The following WASF2 variants were observed in gnomAD, a reference collection of about 807,000 sequenced individuals.
The protein encoded by WASF2 is WASP family member 2.
WASF2 carries 14 observed loss-of-function variants against 45.0 expected under a neutral mutation model. That is an observed-to-expected ratio of 0.31 (90% CI 0.21 to 0.49). The LOEUF (loss-of-function observed/expected upper bound fraction) is 0.49. Among genes scored for constraint, WASF2 ranks in the 20% least tolerant of loss-of-function variants. The probability of loss-of-function intolerance (pLI) is 0.99; values close to 1 mark genes in which losing one functional copy is unlikely to be tolerated. For synonymous variants in WASF2, 200 were observed against 236.3 expected (o/e 0.85, Z 1.41); for missense variants, 439 against 636.1 (o/e 0.69, Z 3.33).
chr1:27,442,766 G>A (rs1366630942), intron 1 of WASF2, among the ~76,000 whole-genome samples: 1 of 151,744 alleles, frequency 6.6e-6, no homozygotes, highest in East Asian at 1.9e-4. Flanking sequence ...ACTTTAGGGG[G>A]CCGAGGTGGG....
At chr1:27,481,227 C>T (rs1438217323) in intron 1 of WASF2, among the ~76,000 whole-genome samples, 2 of 151,460 alleles carry the variant, frequency 1.3e-5, no homozygotes, top group African/African-American at 2.4e-5. Context: ...TCACTTGAAC[C>T]TGGGAGGTGG....
intron 1 of WASF2, among the ~76,000 whole-genome samples, chr1:27,488,917 T>C (rs1369139298): frequency 6.6e-6 from 1 of 152,144 alleles, no homozygotes; most frequent in Non-Finnish European, 1.5e-5. Flanking sequence ...ATGTGTAAAT[T>C]CTCAAGAGTC....
At chr1:27,421,992 A>G (rs1030206885) in intron 2 of WASF2, among the ~76,000 whole-genome samples, 1 of 151,872 alleles carries the variant, frequency 6.6e-6, no homozygotes, top group African/African-American at 2.4e-5. Context: ...AATAAAAGAA[A>G]AGAAAAAAGA....
chr1:27,470,564 C>T (rs927886333), intron 1 of WASF2, among the ~76,000 whole-genome samples: 1 of 150,114 alleles, frequency 6.7e-6, no homozygotes, highest in East Asian at 2.1e-4. Flanking sequence ...GTTGGCAGAC[C>T]TATACCAGCC....
intron 1 of WASF2, among the ~76,000 whole-genome samples, chr1:27,447,993 T>A (rs1032156621): frequency 6.6e-6 from 1 of 152,210 alleles, no homozygotes; most frequent in Non-Finnish European, 1.5e-5. Context: ...TCAAGGGAGA[T>A]CAGAATACTA....
In WASF2 at chr1:27,428,949, C is replaced by A; in HGVS notation, c.-43-16G>T. 1 of 1,598,594 alleles carries A rather than the reference C, an allele frequency of 6.3e-7. No homozygotes were observed. Among genetic ancestry groups the A allele is most frequent in the Non-Finnish European group, 8.5e-7 (1 of 1,171,296 alleles). On this transcript the variant is annotated splice_polypyrimidine_tract_variant and intron_variant, in intron 1 of 8. Transcript: ENST00000618852. ...GAAAAACAACCTAAAAAAGAAATAACAGGAAAGTATTACTCAACCACAAAT... is the reference window on the plus strand; with the variant it reads ...GAAAAACAACCTAAAAAAGAAATAAAAGGAAAGTATTACTCAACCACAAAT...
intron 1 of WASF2, among the ~76,000 whole-genome samples, chr1:27,451,791 TCACCCCTTA>T (rs2017387075): frequency 6.6e-6 from 1 of 152,198 alleles, no homozygotes. Context: ...ATTACAGTAG[TCACCCCTTA>T]TCCTCAGAAC....
chr1:27,470,818 C>T (rs1209306740), intron 1 of WASF2, among the ~76,000 whole-genome samples: 1 of 152,108 alleles, frequency 6.6e-6, no homozygotes, highest in Non-Finnish European at 1.5e-5. Flanking sequence ...TCATTAAAAC[C>T]TACATAAAAG....
rs1028731758 is a variant in WASF2 at position 27,418,976 on chromosome 1, C to T, written c.243G>A (p.Gln81=). The change falls in exon 3 of 9, where the codon CAG becomes CAA. Residue 81 remains glutamine, a synonymous_variant. Coordinates refer to ENST00000618852, the MANE Select transcript of WASF2 (RefSeq NM_006990.5). ...TACCTTCTTCTTCCTTGGGATCCAG[C>T]TGAGTGACTTTAACCTGTAGTCGGT... ...RVDRLQVKVT[Q]LDPKEEEVSL... is the part of the protein sequence containing the mutation. 6.2e-7 allele frequency: 1 copy of T among 1,613,902 alleles called. No homozygotes were observed. The highest frequency in any genetic ancestry group is 8.5e-7 in the Non-Finnish European group (1 of 1,179,922).
intron 1 of WASF2, among the ~76,000 whole-genome samples, chr1:27,432,336 A>C (rs1230960206): frequency 6.6e-6 from 1 of 151,934 alleles, no homozygotes; most frequent in African/African-American, 2.4e-5. Context: ...TAAAAAACCC[A>C]CTACAGGGCT....
intron 4 of WASF2, 114 bp downstream of exon 4, chr1:27,418,155 T>C (rs2016850716): frequency 1.6e-6 from 2 of 1,215,594 alleles, no homozygotes; most frequent in Non-Finnish European, 2.2e-6. Flanking sequence ...AACTTTGGGG[T>C]AGGCAGTAAG....
chr1:27,467,868 C>T (rs1425142507), intron 1 of WASF2, among the ~76,000 whole-genome samples: 2 of 151,818 alleles, frequency 1.3e-5, no homozygotes, highest in Non-Finnish European at 2.9e-5. Context: ...ATCGAGATCA[C>T]GCCACTGCAC....
intron 1 of WASF2, among the ~76,000 whole-genome samples, chr1:27,445,851 T>TC (rs2017304082): frequency 1.3e-5 from 2 of 152,122 alleles, no homozygotes; most frequent in South Asian, 4.1e-4. Context: ...TTTTTTTTTT[T>TC]TTTTAAAGCA....
intron 1 of WASF2, among the ~76,000 whole-genome samples, chr1:27,454,654 TG>T (rs2017443471): frequency 1.3e-5 from 2 of 152,216 alleles, no homozygotes; most frequent in Admixed American, 6.5e-5. Flanking sequence ...AAAATTTTTT[TG>T]TAGAGACAGT....
chr1:27,474,989 T>C (rs924882937), intron 1 of WASF2, among the ~76,000 whole-genome samples: 2 of 150,046 alleles, frequency 1.3e-5, no homozygotes, highest in African/African-American at 4.9e-5. Context: ...CACACAAAAC[T>C]CCTGGCCAGA....
At chr1:27,436,133 A>G (rs957553892) in intron 1 of WASF2, among the ~76,000 whole-genome samples, 18 of 152,246 alleles carry the variant, frequency 1.2e-4, no homozygotes, top group Non-Finnish European at 4.4e-5. Context: ...TTCCTCTTTC[A>G]AGAGATACAT....
intron 4 of WASF2, 52 bp from the exon 5 acceptor site, chr1:27,416,154 C>A: frequency 1.3e-6 from 2 of 1,496,538 alleles, no homozygotes; most frequent in Admixed American, 3.4e-5. Context: ...GAGCTCCCAA[C>A]CAAATCCAAT....
At chr1:27,412,922 G>A (rs1204227055) in intron 6 of WASF2, among the ~76,000 whole-genome samples, 195 bp from the exon 7 acceptor site, 2 of 152,172 alleles carry the variant, frequency 1.3e-5, no homozygotes, top group East Asian at 1.9e-4. Flanking sequence ...ATATATCCCA[G>A]ATATTTATGC....
Position 27,407,962 on chromosome 1 carries a change from C to A in WASF2, c.*227G>T. 2.1e-6 allele frequency: 1 copy of A among 467,788 alleles called. No individual in the cohort carries two copies. The highest frequency in any genetic ancestry group is 3.7e-5 in the South Asian group (1 of 27,036). 29.0% of individuals were successfully genotyped at this position (467,788 alleles called of 1,614,324 possible). On this transcript the variant is annotated 3_prime_UTR_variant, in exon 9 of 9. Transcript: ENST00000618852. ...CACTTGAAGGAAAGAGGGAACATCC[C>A]AGCTACTGAACCTCAGGAGCCCCAC...
Sources: allele counts gnomAD v4.1 joint callset (sites outside exome capture counted in the v4.1 genomes callset), GRCh38; gene constraint gnomAD v4.1.1; transcripts MANE v1.5; gene names NCBI Gene and HGNC (gene_info 2026-07-23, HGNC 2026-07-21).